The following HS3ST4 variants were observed in gnomAD, a reference collection of about 807,000 sequenced individuals.
HS3ST4 encodes the protein heparan sulfate glucosamine 3-O-sulfotransferase 4.
In HS3ST4, 17 loss-of-function variants were observed where a neutral mutation model predicts 29.2. The observed-to-expected ratio is 0.58, with a 90% CI of 0.40 to 0.87. HS3ST4 has a LOEUF of 0.87. Among genes scored for constraint, HS3ST4 ranks in the 40% least tolerant of loss-of-function variants. The pLI, the probability that HS3ST4 is intolerant of heterozygous loss-of-function variation, is 0.00. For synonymous variants in HS3ST4, 314 were observed against 285.7 expected, an observed-to-expected ratio of 1.10 and a Z score of -1.00; for missense variants, 627 against 634.5, an observed-to-expected ratio of 0.99 and a Z score of 0.13.
chr16:25,717,263 A>C (rs1480807393), intron 1 of HS3ST4, among the ~76,000 whole-genome samples: 2 of 152,178 alleles, frequency 1.3e-5, no homozygotes, highest in African/African-American at 4.8e-5. Context: ...GAAGCAATGG[A>C]TTCTTGTTCT....
At chr16:25,942,042 A>C (rs550894274) in intron 1 of HS3ST4, among the ~76,000 whole-genome samples, 4 of 152,298 alleles carry the variant, frequency 2.6e-5, no homozygotes, top group African/African-American at 9.6e-5. Context: ...ATAGGATAGA[A>C]TTAGCTCATT....
intron 1 of HS3ST4, among the ~76,000 whole-genome samples, chr16:26,000,122 A>G (rs1281150536): frequency 1.3e-5 from 2 of 151,760 alleles, no homozygotes; most frequent in Non-Finnish European, 2.9e-5. Flanking sequence ...AGCTCTTGCA[A>G]TTTGTGATAC....
intron 1 of HS3ST4, among the ~76,000 whole-genome samples, chr16:26,075,877 G>C (rs923002948): frequency 6.6e-6 from 1 of 152,004 alleles, no homozygotes; most frequent in Admixed American, 6.6e-5. Context: ...CTTAAACTTA[G>C]TTAGTCTCAG....
chr16:25,743,500 T>C (rs1311971678), intron 1 of HS3ST4, among the ~76,000 whole-genome samples: 1 of 152,164 alleles, frequency 6.6e-6, no homozygotes, highest in East Asian at 1.9e-4. Context: ...TTTTGTTTGA[T>C]GGGTCTTTAT....
intron 1 of HS3ST4, among the ~76,000 whole-genome samples, chr16:25,737,905 CTTTTTT>C (rs11314900): frequency 1.6e-5 from 2 of 125,866 alleles, no homozygotes; most frequent in African/African-American, 3.2e-5. Flanking sequence ...CCTGTAGCTT[CTTTTTT>C]TTTTTTTTTT....
intron 1 of HS3ST4, among the ~76,000 whole-genome samples, chr16:25,774,483 C>G (rs1004418240): frequency 6.6e-6 from 1 of 152,216 alleles, no homozygotes; most frequent in Non-Finnish European, 1.5e-5. Context: ...TCTTCCCTTG[C>G]TACAGCAATG....
intron 1 of HS3ST4, among the ~76,000 whole-genome samples, chr16:26,043,633 G>C (rs1286610127): frequency 6.6e-6 from 1 of 152,168 alleles, no homozygotes; most frequent in Non-Finnish European, 1.5e-5. Context: ...ACAGTGTAAT[G>C]ATGAGAAGGA....
At chr16:26,017,533 G>A (rs1288789827) in intron 1 of HS3ST4, among the ~76,000 whole-genome samples, 2 of 152,160 alleles carry the variant, frequency 1.3e-5, no homozygotes, top group Admixed American at 6.5e-5. Flanking sequence ...CATAGTGATG[G>A]AACAGGAGAT....
intron 1 of HS3ST4, among the ~76,000 whole-genome samples, chr16:26,129,487 G>A (rs1194600423): frequency 6.6e-6 from 1 of 152,142 alleles, no homozygotes; most frequent in East Asian, 1.9e-4. Context: ...TCCGTAAAGT[G>A]GGGATTACAA....
intron 1 of HS3ST4, among the ~76,000 whole-genome samples, chr16:25,769,594 CTG>C (rs936998807): frequency 3.9e-5 from 6 of 152,300 alleles, no homozygotes; most frequent in Admixed American, 3.9e-4. Context: ...CTTTATCCCT[CTG>C]TTCCGGCACC....
Position 25,999,542 on chromosome 16 carries a change from G to C in HS3ST4, c.735-136070G>C, listed in dbSNP as rs867643265. Among the ~76,000 whole-genome samples the C allele has an allele frequency of 1.9e-4, 29 of 150,802 alleles. 1 individual carries two copies. Among genetic ancestry groups the C allele is most frequent in the South Asian group, 6.3e-4 (3 of 4,800 alleles). ...TCTATTCCGTAATCTAGTAATTTTT[G>C]TTTTTATCTTTGTAAATTGCCATGT... On this transcript the variant is annotated intron_variant, in intron 1 of 1. Coordinates refer to ENST00000331351, the MANE Select transcript of HS3ST4 (RefSeq NM_006040.3).
chr16:25,946,202 C>A (rs1968624911), intron 1 of HS3ST4, among the ~76,000 whole-genome samples: 1 of 152,198 alleles, frequency 6.6e-6, no homozygotes, highest in South Asian at 2.1e-4. Flanking sequence ...CTTCCAATTG[C>A]AGGAGGCTTT....
intron 1 of HS3ST4, among the ~76,000 whole-genome samples, chr16:25,899,158 C>T (rs1233318376): frequency 6.6e-6 from 1 of 152,228 alleles, no homozygotes; most frequent in African/African-American, 2.4e-5. Flanking sequence ...CTGCAAATGG[C>T]ACACGTCCAT....
intron 1 of HS3ST4, among the ~76,000 whole-genome samples, chr16:25,800,354 T>C (rs1267620742): frequency 9.2e-5 from 14 of 151,934 alleles, no homozygotes; most frequent in Admixed American, 9.2e-4. Context: ...TGGTAACACT[T>C]TTCTTCTTTC....
chr16:25,793,731 C>A (rs1966875491), intron 1 of HS3ST4, among the ~76,000 whole-genome samples: 2 of 151,952 alleles, frequency 1.3e-5, no homozygotes, highest in South Asian at 4.1e-4. Context: ...CAGTTTGATG[C>A]TTTCAATTGG....
chr16:25,741,923 CCT>C (rs1398372758), intron 1 of HS3ST4, among the ~76,000 whole-genome samples: 7 of 152,024 alleles, frequency 4.6e-5, no homozygotes, highest in African/African-American at 7.3e-5. Context: ...ATAGGGCTCC[CCT>C]GTTATTTACT....
chr16:25,712,112 A>T (rs1966419417), intron 1 of HS3ST4, among the ~76,000 whole-genome samples: 1 of 152,184 alleles, frequency 6.6e-6, no homozygotes, highest in Non-Finnish European at 1.5e-5. Flanking sequence ...TGTCAGTCAT[A>T]CCTCAATAAA....
chr16:25,862,737 C>T (rs990221510), intron 1 of HS3ST4, among the ~76,000 whole-genome samples: 3 of 152,234 alleles, frequency 2.0e-5, no homozygotes, highest in African/African-American at 4.8e-5. Flanking sequence ...AGTGATGTAG[C>T]TATGAATATT....
chr16:25,884,069 T>C (rs1356081902), intron 1 of HS3ST4, among the ~76,000 whole-genome samples: 1 of 151,490 alleles, frequency 6.6e-6, no homozygotes, highest in Non-Finnish European at 1.5e-5. Context: ...GCCAAGATCA[T>C]GCCACTGCAC....
Sources: gnomAD v4.1 joint callset for allele counts (sites outside exome capture counted in the v4.1 genomes callset) on GRCh38, gnomAD v4.1.1 for gene constraint, MANE v1.5 for transcripts, NCBI Gene and HGNC (gene_info 2026-07-23, HGNC 2026-07-21) for gene names.